The following NAA35 variants were observed in gnomAD, a reference collection of about 807,000 sequenced individuals.
The protein encoded by NAA35 is MAK10 homolog, amino-acid N-acetyltransferase subunit.
In NAA35, 18 loss-of-function variants were observed where a neutral mutation model predicts 101.7. That is an observed-to-expected ratio of 0.18 (90% confidence interval 0.12 to 0.26). The LOEUF (loss-of-function observed/expected upper bound fraction) is 0.26, where lower values mean the gene tolerates loss of function less well. Among genes scored for constraint, NAA35 ranks in the 10% least tolerant of loss-of-function variants. The pLI, the probability that NAA35 is intolerant of heterozygous loss-of-function variation, is 1.00. For missense variants in NAA35, 601 were observed against 886.8 expected, an observed-to-expected ratio of 0.68 and a Z score of 4.09; for synonymous variants, 267 against 273.1, an observed-to-expected ratio of 0.98 and a Z score of 0.22.
At chr9:85,990,102 C>T (rs1012211340) in intron 11 of NAA35, among the ~76,000 whole-genome samples, 2 of 152,220 alleles carry the variant, frequency 1.3e-5, no homozygotes, top group Non-Finnish European at 2.9e-5. Flanking sequence ...GGTGCATGCT[C>T]AGCTTCTGGT....
Position 86,020,972 on chromosome 9 carries a change from G to T in NAA35, c.2118+3G>T. ...GAGGACACAAAAAGGAATCTAAAGT[G>T]AGTACATTGTGGGAAAAATAAGTGG... On this transcript the variant is annotated splice_donor_region_variant and intron_variant, in intron 22 of 22. Transcript: ENST00000361671. 6.2e-7 allele frequency: 1 copy of T among 1,605,752 alleles called. No homozygotes were observed. The highest frequency in any genetic ancestry group is 1.1e-5 in the South Asian group (1 of 89,748).
intron 10 of NAA35, 55 bp downstream of exon 10, chr9:85,977,501 C>A: frequency 7.8e-7 from 1 of 1,278,304 alleles, no homozygotes; most frequent in Non-Finnish European, 1.1e-6. Flanking sequence ...GGCTGGAATT[C>A]CTGAGTGAAG....
At chr9:85,954,435 A>G (rs1011671287) in intron 2 of NAA35, among the ~76,000 whole-genome samples, 2 of 152,126 alleles carry the variant, frequency 1.3e-5, no homozygotes, top group Admixed American at 1.3e-4. Flanking sequence ...TGTCTCGACC[A>G]TTTTACAAAC....
At chr9:85,941,314 C>T in intron 1 of NAA35, 41 bp downstream of exon 1, 1 of 985,644 alleles carries the variant, frequency 1.0e-6, no homozygotes, top group Non-Finnish European at 1.2e-6. Context: ...CCCTCTCGCT[C>T]GTGTGTCCGA....
chr9:85,964,909 A>G (rs1829678833), intron 6 of NAA35, among the ~76,000 whole-genome samples: 1 of 152,248 alleles, frequency 6.6e-6, no homozygotes, highest in African/African-American at 2.4e-5. Context: ...CTTTAAGACC[A>G]TAAAAATATC....
At chr9:85,991,595 G>C (rs1322045753) in intron 11 of NAA35, among the ~76,000 whole-genome samples, 1 of 152,096 alleles carries the variant, frequency 6.6e-6, no homozygotes, top group Non-Finnish European at 1.5e-5. Flanking sequence ...GCAGAAAGGT[G>C]GCCTGTTGTG....
chr9:85,978,496 TC>T, intron 11 of NAA35, 115 bp downstream of exon 11: 1 of 668,088 alleles, frequency 1.5e-6, no homozygotes, highest in Non-Finnish European at 2.7e-6. Flanking sequence ...GATGTTTTAA[TC>T]CAGAGACTTA....
rs1462166771 is a variant in NAA35, at chr9:86,024,839, G to C, written c.*2879G>C. Among the ~76,000 whole-genome samples the C allele has an allele frequency of 1.3e-5, 2 of 152,138 alleles. No homozygotes were observed. Among genetic ancestry groups the C allele is most frequent in the African/African-American group, 4.8e-5 (2 of 41,422 alleles). On this transcript the variant is annotated 3_prime_UTR_variant, in exon 23 of 23. Transcript: ENST00000361671. ...CAAACTGGGAGGTGCCATCTGGGGT[G>C]GAGATGAACTGAGGACTCAGTAACT...
chr9:86,016,585 C>G lies in NAA35; in HGVS notation c.1615C>G (p.Arg539Gly), dbSNP rs779797378. 1 of 1,613,822 alleles carries G rather than the reference C, an allele frequency of 6.2e-7. No individual in the cohort carries two copies. The highest frequency in any genetic ancestry group is 8.5e-7 in the Non-Finnish European group (1 of 1,179,916). The change falls in exon 18 of 23, where the codon CGT (arginine) becomes GGT (glycine). Residue 539 changes from arginine to glycine, a missense_variant. Arg to Gly is a moderately radical substitution (Grantham distance 125, BLOSUM62 -2). This residue lies in a region of NAA35 where 99 missense variants were observed against 206.7 expected (regional missense o/e 0.48). Transcript: ENST00000361671. ...LYAWLMSTLS[R>G]ADGSQMAEER... ...CGCATGGTTGATGTCAACATTGAGT[C>G]GTGCCGATGGCTCTCAAATGGCAGA...
intron 6 of NAA35, among the ~76,000 whole-genome samples, chr9:85,964,196 C>T (rs1829643856): frequency 1.3e-5 from 2 of 151,022 alleles, no homozygotes; most frequent in African/African-American, 4.9e-5. Context: ...TTATGGGAAC[C>T]AGCACAAAGA....
intron 18 of NAA35, 91 bp from the exon 19 acceptor site, chr9:86,017,407 A>G: frequency 8.4e-7 from 1 of 1,186,710 alleles, no homozygotes; most frequent in Non-Finnish European, 1.2e-6. Context: ...TACAAGCTGA[A>G]AGATTTTTTA....
intron 5 of NAA35, among the ~76,000 whole-genome samples, chr9:85,961,773 G>T (rs1217245878): frequency 6.6e-6 from 1 of 152,128 alleles, no homozygotes; most frequent in Admixed American, 6.5e-5. Flanking sequence ...ACATAAAGAG[G>T]CAGTCTTAAT....
intron 11 of NAA35, among the ~76,000 whole-genome samples, chr9:85,980,856 A>G (rs1830409523): frequency 6.6e-6 from 1 of 152,162 alleles, no homozygotes. Context: ...CGACTTGGCC[A>G]TTCCAGTAGA....
chr9:85,951,862 G>A (rs1265921105), intron 2 of NAA35, among the ~76,000 whole-genome samples: 1 of 152,176 alleles, frequency 6.6e-6, no homozygotes, highest in Non-Finnish European at 1.5e-5. Flanking sequence ...GTTTCGCCAT[G>A]TTGGCCAGGC....
chr9:85,962,115 C>G lies in NAA35; in HGVS notation c.451C>G (p.Leu151Val). The G allele has an allele frequency of 6.2e-7, 1 of 1,614,046 alleles. No homozygotes were observed. Among genetic ancestry groups the G allele is most frequent in the Non-Finnish European group, 8.5e-7 (1 of 1,179,998 alleles). The change falls in exon 6 of 23, where the codon CTG (leucine) becomes GTG (valine). Residue 151 changes from leucine (L) to valine (V), a missense_variant. Leu to Val is a conservative substitution (Grantham distance 32). Coordinates refer to ENST00000361671, the MANE Select transcript of NAA35 (RefSeq NM_024635.4). ...IEDPAMKAFALGILKICDIAR... is the reference protein window; with the variant it reads ...IEDPAMKAFAVGILKICDIAR... The stretch of plus-strand genomic sequence containing the variant: ...AGATCCTGCTATGAAGGCTTTTGCT[C>G]TGGGAATCTTGAAAATCTGTGACAT...
At chr9:85,941,434 C>T (rs971941798) in intron 1 of NAA35, 161 bp downstream of exon 1, 21 of 985,348 alleles carry the variant, frequency 2.1e-5, no homozygotes, top group Non-Finnish European at 2.4e-5. Context: ...CCAGTGCCCG[C>T]TGTCGGCCGA....
intron 11 of NAA35, among the ~76,000 whole-genome samples, chr9:85,995,699 C>A (rs145036670): frequency 1.3e-5 from 2 of 152,156 alleles, no homozygotes. Context: ...ATAAAAAATT[C>A]TTATTCATGT....
In NAA35 at chr9:86,023,631, G is replaced by A. The variant is rs959680984; in HGVS notation, c.*1671G>A. 2.6e-5 allele frequency among the ~76,000 whole-genome samples: 4 copies of A among 152,196 alleles called. No individual in the cohort carries two copies. The highest frequency in any genetic ancestry group is 1.5e-5 in the Non-Finnish European group (1 of 68,032). On this transcript the variant is annotated 3_prime_UTR_variant, in exon 23 of 23. Coordinates refer to ENST00000361671, the MANE Select transcript of NAA35 (RefSeq NM_024635.4). Reference sequence around the variant, plus strand: ...CAACAAGGGCCCTGCTAGATGATGGGATCACTTTTAATTAAGAGGGTGTGC... The same window carrying A: ...CAACAAGGGCCCTGCTAGATGATGGAATCACTTTTAATTAAGAGGGTGTGC...
chr9:85,955,327 CATATATATAT>C lies in NAA35; in HGVS notation c.125-1008_125-999del, dbSNP rs1173706353. On this transcript the variant is annotated intron_variant, in intron 2 of 22. Transcript: ENST00000361671. The stretch of plus-strand genomic sequence containing the variant: ...TCCACAGGATTTAGCCATCTATATA[CATATATATAT>C]ATATATATATATATATATATATATT... 6.4e-4 allele frequency among the ~76,000 whole-genome samples: 53 copies of C among 82,844 alleles called. 1 individual carries two copies. Among genetic ancestry groups the C allele is most frequent in the Admixed American group, 1.3e-3 (6 of 4,572 alleles). 54.3% of individuals were successfully genotyped at this position (82,844 alleles called of 152,430 possible). A position where few individuals can be genotyped will look rare whatever the true frequency, so the allele number is the denominator to read the frequency against.
Sources: allele counts gnomAD v4.1 joint callset (sites outside exome capture counted in the v4.1 genomes callset), GRCh38; gene constraint gnomAD v4.1.1; regional missense constraint gnomAD v4.1.1; transcripts MANE v1.5; gene names NCBI Gene and HGNC (gene_info 2026-07-23, HGNC 2026-07-21).